FBN2: variants seen among roughly 807,000 people sequenced by gnomAD.
FBN2 encodes the protein fibrillin 2.
FBN2 carries 105 observed loss-of-function variants against 355.6 expected under a neutral mutation model. The observed-to-expected ratio is 0.30, with a 90% CI of 0.25 to 0.35. FBN2 has a LOEUF of 0.35. Among genes scored for constraint, FBN2 ranks in the 10% least tolerant of loss-of-function variants. The probability of loss-of-function intolerance (pLI) is 1.00; values close to 1 mark genes in which losing one functional copy is unlikely to be tolerated. For missense variants in FBN2, 3,280 were observed against 3,758.7 expected (o/e 0.87, Z 3.33); for synonymous variants, 1,350 against 1,301.2 (o/e 1.04, Z -0.81).
chr5:128,385,180 A>T (rs1395299086), intron 11 of FBN2, among the ~76,000 whole-genome samples: 1 of 152,100 alleles, frequency 6.6e-6, no homozygotes, highest in African/African-American at 2.4e-5. Flanking sequence ...CTAGTGCCTG[A>T]TAGGTAGCTT....
At chr5:128,298,564 C>A in intron 48 of FBN2, among the ~76,000 whole-genome samples, 1 of 152,082 alleles carries the variant, frequency 6.6e-6, no homozygotes, top group Non-Finnish European at 1.5e-5. Flanking sequence ...CTAAACTTCC[C>A]TTCTCACTTC....
intron 14 of FBN2, 127 bp downstream of exon 14, chr5:128,376,604 G>C: frequency 8.8e-7 from 1 of 1,135,460 alleles, no homozygotes; most frequent in Non-Finnish European, 1.3e-6. Flanking sequence ...CTGCCTTAGT[G>C]AATTAGCAAG....
chr5:128,352,349 C>T (rs537738260), intron 20 of FBN2, among the ~76,000 whole-genome samples: 23 of 152,270 alleles, frequency 1.5e-4, no homozygotes, highest in African/African-American at 4.8e-4. Flanking sequence ...CCATTCCTAA[C>T]GTTTTAGACT....
rs867248423 is a variant in FBN2 at position 128,494,609 on chromosome 5, C to T, written c.628+24664G>A. On this transcript the variant is annotated intron_variant, in intron 5 of 64. Transcript: ENST00000262464. Reference sequence around the variant, plus strand: ...CAGATGGGTGTGATACTAACAGAAGCCAACAGCTTAACAGATCAGGGACAA... The same window carrying T: ...CAGATGGGTGTGATACTAACAGAAGTCAACAGCTTAACAGATCAGGGACAA... 3.8e-4 allele frequency among the ~76,000 whole-genome samples: 58 copies of T among 152,102 alleles called. 1 individual carries two copies. The highest frequency in any genetic ancestry group is 1.5e-3 in the Admixed American group (23 of 15,272).
chr5:128,324,111 T>C (rs371879866), intron 34 of FBN2, among the ~76,000 whole-genome samples: 2 of 152,362 alleles, frequency 1.3e-5, no homozygotes, highest in Admixed American at 6.5e-5. Flanking sequence ...TGGTAGTTTA[T>C]ATTTCTGTGT....
At chr5:128,309,548 A>C in intron 40 of FBN2, 149 bp from the exon 41 acceptor site, 1 of 660,896 alleles carries the variant, frequency 1.5e-6, no homozygotes, top group Non-Finnish European at 2.6e-6. Context: ...ATAACTCCTT[A>C]AACATAAATC....
chr5:128,289,527 T>G (rs1055606479), intron 51 of FBN2, among the ~76,000 whole-genome samples: 1 of 152,030 alleles, frequency 6.6e-6, no homozygotes, highest in African/African-American at 2.4e-5. Context: ...AAGTGGAGGT[T>G]GCAGTCAGCT....
At chr5:128,418,902 C>G (rs1334814030) in intron 7 of FBN2, among the ~76,000 whole-genome samples, 1 of 152,062 alleles carries the variant, frequency 6.6e-6, no homozygotes, top group African/African-American at 2.4e-5. Flanking sequence ...TCATTTTTGA[C>G]AGGGATTGTG....
Position 128,395,142 on chromosome 5 carries a change from G to C in FBN2, c.1211C>G (p.Ala404Gly), listed in dbSNP as rs1752613964. 1.9e-6 allele frequency: 3 copies of C among 1,614,102 alleles called. No individual in the cohort carries two copies. The highest frequency in any genetic ancestry group is 1.1e-5 in the South Asian group (1 of 91,074). ...CGTACCAGAACCTCTGACAGGACAGGCTTCAGGAATGGTTCCGATGCCCCA... is the reference window on the plus strand; with the variant it reads ...CGTACCAGAACCTCTGACAGGACAGCCTTCAGGAATGGTTCCGATGCCCCA... ...RCWGIGTIPEACPVRGSEEYR... is the reference protein window; with the variant it reads ...RCWGIGTIPEGCPVRGSEEYR... Residue 404 changes from alanine to glycine, a missense_variant, in exon 9 of 65, where the codon GCC (alanine) becomes GGC (glycine). Ala to Gly is a moderately conservative substitution (Grantham distance 60). Transcript: ENST00000262464.
intron 36 of FBN2, among the ~76,000 whole-genome samples, chr5:128,315,638 T>A (rs1750180852): frequency 6.6e-6 from 1 of 152,226 alleles, no homozygotes; most frequent in Non-Finnish European, 1.5e-5. Flanking sequence ...ACATCACATA[T>A]TTCCTTCCAG....
intron 16 of FBN2, 128 bp downstream of exon 16, chr5:128,369,054 G>T: frequency 2.1e-6 from 2 of 946,682 alleles, no homozygotes; most frequent in Non-Finnish European, 3.3e-6. Flanking sequence ...ATCAATACAG[G>T]ATTGGATTTC....
chr5:128,487,915 G>A (rs1755381943), intron 5 of FBN2, among the ~76,000 whole-genome samples: 1 of 151,992 alleles, frequency 6.6e-6, no homozygotes, highest in African/African-American at 2.4e-5. Flanking sequence ...GAGATTTCTT[G>A]ATTTATCACA....
chr5:128,338,010 A>G lies in FBN2; in HGVS notation c.3585T>C (p.Arg1195=). The stretch of plus-strand genomic sequence containing the variant: ...AGATAAACTCACCCACACAGTCCTC[A>G]CGGGATGGTGACAGCTCGTGTCCCA... ...CPLGHELSPS[R]EDCVDINECS... is the part of the protein sequence containing the mutation. The change falls in exon 27 of 65, where the codon CGT becomes CGC. Residue 1195 remains arginine (R), a synonymous_variant. Coordinates refer to ENST00000262464, the MANE Select transcript of FBN2 (RefSeq NM_001999.4). The G allele has an allele frequency of 6.2e-7, 1 of 1,614,116 alleles. No individual in the cohort carries two copies. Among genetic ancestry groups the G allele is most frequent in the Non-Finnish European group, 8.5e-7 (1 of 1,179,968 alleles).
chr5:128,407,773 C>T (rs1752968092), intron 8 of FBN2, among the ~76,000 whole-genome samples: 1 of 152,154 alleles, frequency 6.6e-6, no homozygotes, highest in Admixed American at 6.5e-5. Flanking sequence ...ATTTCCATCT[C>T]ATCAACTCAG....
chr5:128,535,493 A>G (rs1055409254), intron 2 of FBN2, among the ~76,000 whole-genome samples: 1 of 152,188 alleles, frequency 6.6e-6, no homozygotes, highest in South Asian at 2.1e-4. Context: ...TGTCTATGAT[A>G]CCTGGCTCTC....
intron 36 of FBN2, among the ~76,000 whole-genome samples, chr5:128,316,618 C>A (rs1452592307): frequency 1.3e-5 from 2 of 152,288 alleles, no homozygotes; most frequent in Non-Finnish European, 2.9e-5. Context: ...TACACTTCTA[C>A]CAGCAGAACA....
In FBN2 at chr5:128,259,802, C is replaced by T. The variant is rs1399733646; in HGVS notation, c.8392G>A (p.Asp2798Asn). ...TTCATGTTGACGGGGCTGTCCATGT[C>T]GACACTCTCTAGGCTGATCTGTTCA... Reference protein sequence around the residue: ...AVEQISLESVDMDSPVNMKFN... With the variant: ...AVEQISLESVNMDSPVNMKFN... The change falls in exon 65 of 65, where the codon GAC (aspartate) becomes AAC (asparagine). Residue 2798 changes from aspartate (D) to asparagine (N), a missense_variant. Physicochemically the swap from Asp to Asn is conservative, Grantham distance 23. This residue lies in a region of FBN2 where 311 missense variants were observed against 319.1 expected (regional missense o/e 0.97). Transcript: ENST00000262464. 9.3e-6 allele frequency: 15 copies of T among 1,613,248 alleles called. No individual in the cohort carries two copies. The highest frequency in any genetic ancestry group is 2.7e-5 in the African/African-American group (2 of 74,670).
At chr5:128,532,827 C>A (rs1169895583) in intron 2 of FBN2, among the ~76,000 whole-genome samples, 1 of 152,314 alleles carries the variant, frequency 6.6e-6, no homozygotes, top group South Asian at 2.1e-4. Context: ...AAATGGATCA[C>A]TTGAGCCTAG....
chr5:128,433,944 C>A (rs2127034831), intron 7 of FBN2, among the ~76,000 whole-genome samples: 1 of 152,244 alleles, frequency 6.6e-6, no homozygotes, highest in East Asian at 1.9e-4. Flanking sequence ...GAAACCTTCT[C>A]ATACTATAAC....
Sources: allele counts gnomAD v4.1 joint callset (sites outside exome capture counted in the v4.1 genomes callset), GRCh38; gene constraint gnomAD v4.1.1; regional missense constraint gnomAD v4.1.1; transcripts MANE v1.5; gene names NCBI Gene and HGNC (gene_info 2026-07-23, HGNC 2026-07-21).